TLE4: variants seen among roughly 807,000 people sequenced by gnomAD.
TLE4 encodes TLE family member 4, transcriptional corepressor.
In TLE4, 8 loss-of-function variants were observed where a neutral mutation model predicts 92.8. That is an observed-to-expected ratio of 0.09 (90% CI 0.05 to 0.16). The LOEUF is 0.16. TLE4 is among the 10% of genes least tolerant of loss of function. The pLI, the probability that TLE4 is intolerant of heterozygous loss-of-function variation, is 1.00. For synonymous variants in TLE4, 371 were observed against 374.1 expected (o/e 0.99, Z 0.10); for missense variants, 675 against 997.6 (o/e 0.68, Z 4.36).
intron 1 of TLE4, chr9:79,573,251 C>T: frequency 9.8e-7 from 1 of 1,015,794 alleles, no homozygotes; most frequent in South Asian, 4.2e-5. Context: ...CCGCGGGCCG[C>T]CGGGGCGAGC....
intron 5 of TLE4, among the ~76,000 whole-genome samples, chr9:79,619,549 G>C (rs1208250281): frequency 1.3e-5 from 2 of 152,154 alleles, no homozygotes; most frequent in Non-Finnish European, 2.9e-5. Flanking sequence ...GGAATCAATG[G>C]CTTGTGATAA....
At chr9:79,704,194 G>A (rs1176017895) in intron 8 of TLE4, among the ~76,000 whole-genome samples, 5 of 151,986 alleles carry the variant, frequency 3.3e-5, no homozygotes, top group African/African-American at 1.2e-4. Context: ...GCTCACTGCA[G>A]CATCTGCCTC....
chr9:79,667,948 C>T (rs929637201), intron 8 of TLE4, among the ~76,000 whole-genome samples: 2 of 152,182 alleles, frequency 1.3e-5, no homozygotes, highest in Non-Finnish European at 2.9e-5. Flanking sequence ...CTGGAAGTGC[C>T]ACAGAAATAT....
chr9:79,676,370 C>A (rs1188753584), intron 8 of TLE4, among the ~76,000 whole-genome samples: 1 of 152,080 alleles, frequency 6.6e-6, no homozygotes, highest in Non-Finnish European at 1.5e-5. Flanking sequence ...ATTTGGTATT[C>A]TTAAAGTATA....
intron 14 of TLE4, among the ~76,000 whole-genome samples, chr9:79,715,843 C>G (rs2074389836): frequency 6.6e-6 from 1 of 152,106 alleles, no homozygotes; most frequent in Non-Finnish European, 1.5e-5. Context: ...TACAGGTTCA[C>G]AAAGAAGAGC....
intron 6 of TLE4, among the ~76,000 whole-genome samples, chr9:79,632,380 TC>T (rs2054523701): frequency 6.6e-6 from 1 of 152,138 alleles, no homozygotes; most frequent in Non-Finnish European, 1.5e-5. Flanking sequence ...TTTTGAGTTT[TC>T]CCCCTTCCGT....
At chr9:79,675,845 A>G (rs1434234900) in intron 8 of TLE4, among the ~76,000 whole-genome samples, 1 of 152,048 alleles carries the variant, frequency 6.6e-6, no homozygotes, top group Non-Finnish European at 1.5e-5. Flanking sequence ...AGTGTTTTGG[A>G]TTTTGGTTTT....
intron 6 of TLE4, among the ~76,000 whole-genome samples, chr9:79,639,620 T>C (rs2056734623): frequency 6.6e-6 from 1 of 152,144 alleles, no homozygotes; most frequent in Non-Finnish European, 1.5e-5. Context: ...AGGTGTACCA[T>C]TTTTTATCTT....
intron 5 of TLE4, among the ~76,000 whole-genome samples, chr9:79,613,698 G>A (rs928097481): frequency 6.6e-6 from 1 of 152,136 alleles, no homozygotes; most frequent in Non-Finnish European, 1.5e-5. Context: ...CTTTTCAGGA[G>A]AGAGGTTCAT....
intron 4 of TLE4, 115 bp from the exon 5 acceptor site, chr9:79,612,541 G>A (rs1250692442): frequency 2.0e-6 from 2 of 985,592 alleles, no homozygotes; most frequent in East Asian, 4.9e-5. Context: ...TCTTCCTTAG[G>A]AAATATGCCA....
rs2036082441 is a variant in TLE4 at position 79,572,527 on chromosome 9, C to T, written c.-264C>T. ...CGGCGGAGCGAACGTCGGAGCGTTG[C>T]CTTGGGAGACGCGCGCCGGACAATG... On this transcript the variant is annotated 5_prime_UTR_variant, in exon 1 of 20. Coordinates refer to ENST00000376552, the MANE Select transcript of TLE4 (RefSeq NM_007005.6). 6.2e-6 allele frequency: 1 copy of T among 160,328 alleles called. No homozygotes were observed. The highest frequency in any genetic ancestry group is 2.8e-3 in the Middle Eastern group (1 of 354). The allele number at this position is 160,328 out of a possible 1,614,324, so 9.9% of individuals were successfully genotyped here.
chr9:79,633,155 G>T (rs4131220), intron 6 of TLE4, among the ~76,000 whole-genome samples: 1 of 152,148 alleles, frequency 6.6e-6, no homozygotes, highest in African/African-American at 2.4e-5. Flanking sequence ...CTAAGAGGCA[G>T]TAATTTCCCT....
Position 79,572,764 on chromosome 9 carries a change from C to T in TLE4, c.-27C>T, listed in dbSNP as rs781403946. On this transcript the variant is annotated 5_prime_UTR_variant, in exon 1 of 20. Transcript: ENST00000376552. ...AAGCCAATGAGCCGCGCGCCTCTGCCGAGCGCAGCCAACTAAATCGGCTTG... is the reference window on the plus strand; with the variant it reads ...AAGCCAATGAGCCGCGCGCCTCTGCTGAGCGCAGCCAACTAAATCGGCTTG... 5 of 1,596,414 alleles carry T rather than the reference C, an allele frequency of 3.1e-6. No individual in the cohort carries two copies. Among genetic ancestry groups the T allele is most frequent in the Middle Eastern group, 1.7e-4 (1 of 6,038 alleles).
chr9:79,669,581 T>G (rs1264148552), intron 8 of TLE4, among the ~76,000 whole-genome samples: 1 of 152,154 alleles, frequency 6.6e-6, no homozygotes, highest in Non-Finnish European at 1.5e-5. Context: ...ATTGTTTTGT[T>G]GGTATTATTT....
At chr9:79,578,147 C>T (rs1182586817) in intron 4 of TLE4, among the ~76,000 whole-genome samples, 1 of 152,168 alleles carries the variant, frequency 6.6e-6, no homozygotes, top group East Asian at 1.9e-4. Context: ...CCTAGGCAGA[C>T]AGCCTTAGTT....
At chr9:79,672,943 T>C (rs1420025716) in intron 8 of TLE4, among the ~76,000 whole-genome samples, 2 of 152,156 alleles carry the variant, frequency 1.3e-5, no homozygotes, top group Admixed American at 6.5e-5. Flanking sequence ...AGGTGGAGCA[T>C]AGAAAACTCT....
chr9:79,708,524 A>G, intron 12 of TLE4, 69 bp from the exon 13 acceptor site: 5 of 1,398,558 alleles, frequency 3.6e-6, no homozygotes, highest in Admixed American at 2.1e-5. Context: ...ATTTTGTGAC[A>G]TGTTTACAAA....
At chr9:79,706,595 TTAG>T in intron 10 of TLE4, 149 bp from the exon 11 acceptor site, 1 of 955,712 alleles carries the variant, frequency 1.0e-6, no homozygotes, top group Non-Finnish European at 1.5e-6. Flanking sequence ...AATATTTTCG[TTAG>T]TAGTTTCAGT....
intron 4 of TLE4, among the ~76,000 whole-genome samples, chr9:79,590,942 A>G (rs1246522345): frequency 2.0e-5 from 3 of 152,166 alleles, no homozygotes; most frequent in Non-Finnish European, 4.4e-5. Flanking sequence ...TCTTCATGAG[A>G]TTGTTTTATT....
Sources: allele counts gnomAD v4.1 joint callset (sites outside exome capture counted in the v4.1 genomes callset), GRCh38; gene constraint gnomAD v4.1.1; transcripts MANE v1.5; gene names NCBI Gene and HGNC (gene_info 2026-07-23, HGNC 2026-07-21).